The following GGT1 variants were observed in gnomAD, a reference collection of about 807,000 sequenced individuals.
GGT1 encodes gamma-glutamyltransferase 1, also known as glutathione hydrolase 1 proenzyme.
GGT1 carries 21 observed loss-of-function variants against 56.0 expected under a neutral mutation model. The ratio of observed to expected loss-of-function variants is 0.38; its 90% CI spans 0.27 to 0.54. The LOEUF (loss-of-function observed/expected upper bound fraction) is 0.54, where lower values mean the gene tolerates loss of function less well. Ranked by LOEUF, GGT1 falls within the 20% of genes least tolerant of loss-of-function variation. The pLI, the probability that GGT1 is intolerant of heterozygous loss-of-function variation, is 0.82. For synonymous variants in GGT1, 238 were observed against 342.6 expected, an observed-to-expected ratio of 0.69 and a Z score of 3.37; for missense variants, 466 against 787.0, an observed-to-expected ratio of 0.59 and a Z score of 4.88.
Position 24,611,142 on chromosome 22 carries a change from G to A in GGT1, c.61G>A (p.Gly21Ser), listed in dbSNP as rs201448447. Reference sequence around the variant, plus strand: ...CGTGGTCCTGGTGCTGGTCATTGTCGGCCTCTGTCTCTGGCTGCCCTCAGC... The same window carrying A: ...CGTGGTCCTGGTGCTGGTCATTGTCAGCCTCTGTCTCTGGCTGCCCTCAGC... ...LAVVLVLVIV[G>S]LCLWLPSASK... Residue 21 changes from glycine (G) to serine (S), a missense_variant, in exon 5 of 16, where the codon GGC becomes AGC. Coordinates refer to ENST00000400382, the MANE Select transcript of GGT1 (RefSeq NM_001288833.2). 2.5e-5 allele frequency: 40 copies of A among 1,601,068 alleles called. No individual in the cohort carries two copies. The highest frequency in any genetic ancestry group is 1.9e-4 in the African/African-American group (14 of 74,520).
At chr22:24,589,385 G>A in the GGT1 span, 2 of 1,105,280 alleles carry the variant, frequency 1.8e-6, no homozygotes, top group African/African-American at 3.4e-5. Flanking sequence ...GTCTGTACAG[G>A]ATGGAGACCT....
intron 5 of GGT1, among the ~76,000 whole-genome samples, chr22:24,614,111 G>A (rs190865813): frequency 6.6e-6 from 1 of 152,198 alleles, no homozygotes; most frequent in Admixed American, 6.5e-5. Flanking sequence ...GGAGGCCAAG[G>A]TGGGTGGATC....
At position 24,620,332 on chromosome 22, in the gene GGT1, G is replaced by T; in HGVS notation, c.387G>T (p.Gly129=). 1 of 1,611,654 alleles carries T rather than the reference G, an allele frequency of 6.2e-7. No individual in the cohort carries two copies. The highest frequency in any genetic ancestry group is 8.5e-7 in the Non-Finnish European group (1 of 1,179,746). ...ACTATGGCTCTCTCTCCCCAGGGGG[G>T]CTGTCGGTGGCGGTGCCTGGGGAGA... ...FNSSEQSQKG[G]LSVAVPGEIR... The change falls in exon 8 of 16, where the codon GGG becomes GGT. Residue 129 remains glycine (G), a synonymous_variant. Transcript: ENST00000400382. The surrounding 1 kb of genome is among the most constrained non-coding windows in gnomAD (Gnocchi z 5.6).
At chr22:24,606,524 G>A (rs753042187) in intron 1 of GGT1, among the ~76,000 whole-genome samples, 3 of 152,184 alleles carry the variant, frequency 2.0e-5, no homozygotes, top group Non-Finnish European at 4.4e-5. Flanking sequence ...ATCCCCTGAT[G>A]TTCCTGTTGG....
chr22:24,614,656 A>C (rs1027901513), intron 5 of GGT1, 120 bp from the exon 6 acceptor site: 70 of 881,916 alleles, frequency 7.9e-5, no homozygotes, highest in Non-Finnish European at 1.2e-4. Flanking sequence ...AAAAACAAAA[A>C]CCCCAAAACT....
intron 7 of GGT1, among the ~76,000 whole-genome samples, chr22:24,619,245 A>G (rs573882520): frequency 6.6e-6 from 1 of 152,140 alleles, no homozygotes; most frequent in Non-Finnish European, 1.5e-5. Flanking sequence ...TAAAAATACA[A>G]AAATTAGCAA....
chr22:24,598,950 A>T (rs370729916), upstream of GGT1, among the ~76,000 whole-genome samples: 10 of 152,224 alleles, frequency 6.6e-5, no homozygotes, highest in East Asian at 1.9e-3. Flanking sequence ...TTAAGAAATT[A>T]AAGACAGGGT....
chr22:24,625,361 C>T (rs1025995413), intron 11 of GGT1, among the ~76,000 whole-genome samples: 3 of 152,146 alleles, frequency 2.0e-5, no homozygotes, highest in African/African-American at 4.8e-5. Context: ...GCAGCCTCAA[C>T]CTCCAGGGCT....
intron 5 of GGT1, among the ~76,000 whole-genome samples, chr22:24,611,543 CATCTATCTATCTATCT>C (rs60405110): frequency 0.045 from 5,353 of 119,350 alleles, 123 homozygotes; most frequent in Admixed American, 0.06. Context: ...ATCTATCTAT[CATCTATCTATCTATCT>C]ATCTATCTAT....
upstream of GGT1, chr22:24,603,054 C>T (rs1193109565): frequency 1.3e-5 from 2 of 152,342 alleles, no homozygotes; most frequent in African/African-American, 2.4e-5. Context: ...ATCACAGCCT[C>T]AGGGATGGGA....
At chr22:24,584,426 A>G in the GGT1 span, among the ~76,000 whole-genome samples, 4 of 152,192 alleles carry the variant, frequency 2.6e-5, no homozygotes, top group Admixed American at 2.0e-4. Context: ...TCTGAGGAAA[A>G]TCCTTTTCCT....
At chr22:24,609,888 CATG>C in intron 2 of GGT1, 74 bp from the exon 3 acceptor site, 1 of 417,352 alleles carries the variant, frequency 2.4e-6, no homozygotes, top group Non-Finnish European at 5.1e-6. Context: ...CCAGTGCAGC[CATG>C]ATGATAATCA....
the GGT1 span, among the ~76,000 whole-genome samples, chr22:24,584,831 C>T: frequency 5.3e-5 from 8 of 152,072 alleles, no homozygotes; most frequent in Admixed American, 1.3e-4. Flanking sequence ...TGCCTGTCTT[C>T]TGGTTGGGCT....
At chr22:24,594,223 A>G (rs1327935294), upstream of GGT1, among the ~76,000 whole-genome samples, 1 of 151,992 alleles carries the variant, frequency 6.6e-6, no homozygotes. Context: ...CGGCTCTGGG[A>G]CGCTCACATC....
chr22:24,592,050 G>A (rs2045583937), upstream of GGT1, among the ~76,000 whole-genome samples: 1 of 152,220 alleles, frequency 6.6e-6, no homozygotes, highest in South Asian at 2.1e-4. Flanking sequence ...ACCTTCTGCA[G>A]GCCGAACACC....
chr22:24,610,952 G>A, intron 4 of GGT1, 123 bp from the exon 5 acceptor site: 1 of 793,310 alleles, frequency 1.3e-6, no homozygotes, highest in Non-Finnish European at 2.1e-6. Flanking sequence ...CGTATTCTGG[G>A]AAGCGGGAAG....
chr22:24,608,466 G>A (rs946897763), intron 2 of GGT1, among the ~76,000 whole-genome samples: 7 of 152,174 alleles, frequency 4.6e-5, no homozygotes, highest in South Asian at 4.1e-4. Flanking sequence ...GACCCTGACC[G>A]GGGGCTCAGC....
chr22:24,593,821 C>T (rs2045641612), upstream of GGT1, among the ~76,000 whole-genome samples: 1 of 152,068 alleles, frequency 6.6e-6, no homozygotes, highest in African/African-American at 2.4e-5. Context: ...GAAATCTCTG[C>T]AGCTGGCAGT....
upstream of GGT1, among the ~76,000 whole-genome samples, chr22:24,601,117 C>CT (rs2147199868): frequency 6.6e-6 from 1 of 152,264 alleles, no homozygotes; most frequent in Non-Finnish European, 1.5e-5. Flanking sequence ...ACAAAATGTC[C>CT]TGGATAATAT....
Sources: gnomAD v4.1 joint callset for allele counts (sites outside exome capture counted in the v4.1 genomes callset) on GRCh38, gnomAD v4.1.1 for gene constraint, Gnocchi (gnomAD v3.1) non-coding constraint, MANE v1.5 for transcripts, NCBI Gene and HGNC (gene_info 2026-07-23, HGNC 2026-07-21) for gene names.